Variants in CACNA1E observed in about 807,000 individuals in gnomAD.
CACNA1E encodes the protein voltage-dependent R-type calcium channel subunit alpha-1E.
In CACNA1E, 40 loss-of-function variants were observed where a neutral mutation model predicts 259.2. The observed-to-expected ratio is 0.15, with a 90% confidence interval of 0.12 to 0.20. The LOEUF (loss-of-function observed/expected upper bound fraction) is 0.20, where lower values mean the gene tolerates loss of function less well. CACNA1E is among the 10% of genes least tolerant of loss of function. The pLI, the probability that CACNA1E is intolerant of heterozygous loss-of-function variation, is 1.00. For missense variants in CACNA1E, 1,874 were observed against 3,040.1 expected, an observed-to-expected ratio of 0.62 and a Z score of 9.02; for synonymous variants, 1,104 against 1,138.5, an observed-to-expected ratio of 0.97 and a Z score of 0.61.
At chr1:181,452,864 G>A (rs780714363) in intron 2 of CACNA1E, among the ~76,000 whole-genome samples, 4 of 152,094 alleles carry the variant, frequency 2.6e-5, no homozygotes, top group African/African-American at 7.2e-5. Context: ...AATCTGTTTC[G>A]TTTCTGCCCC....
Position 181,755,416 on chromosome 1 carries a change from T to C in CACNA1E, c.3989+19T>C. The stretch of plus-strand genomic sequence containing the variant: ...AGTGCATGTAAGTGCCACCAGCGCA[T>C]TCCACTTGATTTTGCTGAAGCATGT... On this transcript the variant is annotated intron_variant, in intron 28 of 47. Transcript: ENST00000367573. 6.2e-7 allele frequency: 1 copy of C among 1,608,286 alleles called. No individual in the cohort carries two copies. Among genetic ancestry groups the C allele is most frequent in the East Asian group, 2.2e-5 (1 of 44,812 alleles).
At chr1:181,779,080 C>T (rs1438253853) in intron 38 of CACNA1E, among the ~76,000 whole-genome samples, 1 of 152,226 alleles carries the variant, frequency 6.6e-6, no homozygotes, top group Non-Finnish European at 1.5e-5. Flanking sequence ...CTGCTCTGGA[C>T]AGCGGTCTGA....
At chr1:181,632,866 A>G (rs199913) in intron 6 of CACNA1E, among the ~76,000 whole-genome samples, 111,632 of 152,128 alleles carry the variant, frequency 0.73, 42,963 homozygotes, top group East Asian at 0.95. Context: ...GACACAATCC[A>G]TGTATTCAAA....
intron 2 of CACNA1E, among the ~76,000 whole-genome samples, chr1:181,434,118 A>G (rs1659914415): frequency 6.6e-6 from 1 of 152,214 alleles, no homozygotes; most frequent in African/African-American, 2.4e-5. Flanking sequence ...TACTTGGCTC[A>G]GACTGGCTTT....
chr1:181,442,124 G>A (rs1247077402), intron 2 of CACNA1E, among the ~76,000 whole-genome samples: 1 of 151,862 alleles, frequency 6.6e-6, no homozygotes, highest in Non-Finnish European at 1.5e-5. Flanking sequence ...GGCATGGGGA[G>A]AGGAGGATTG....
chr1:181,725,994 G>T (rs1169050744), intron 17 of CACNA1E, 71 bp from the exon 18 acceptor site: 15 of 1,029,178 alleles, frequency 1.5e-5, no homozygotes, highest in Non-Finnish European at 2.2e-5. Context: ...CTCCTCCTTA[G>T]GAGAGCAGCC....
chr1:181,481,897 A>T (rs1663282168), upstream of CACNA1E, among the ~76,000 whole-genome samples: 1 of 151,916 alleles, frequency 6.6e-6, no homozygotes, highest in Non-Finnish European at 1.5e-5. Context: ...TTGGGAGTAA[A>T]GGATGGGGGG....
intron 1 of CACNA1E, among the ~76,000 whole-genome samples, chr1:181,327,598 C>G (rs1192796614): frequency 6.6e-6 from 1 of 152,178 alleles, no homozygotes; most frequent in African/African-American, 2.4e-5. Context: ...ACCCACAGCT[C>G]CTCAATATAT....
At chr1:181,722,609 A>G (rs1288637166) in intron 16 of CACNA1E, among the ~76,000 whole-genome samples, 6 of 152,234 alleles carry the variant, frequency 3.9e-5, no homozygotes, top group Admixed American at 3.9e-4. Context: ...GAGAATAATA[A>G]TATTTATCTC....
chr1:181,503,639 G>A lies in CACNA1E; in HGVS notation c.267-6838G>A, dbSNP rs181307944. Among the ~76,000 whole-genome samples, 588 of 152,352 alleles carry A rather than the reference G, an allele frequency of 3.9e-3. 4 individuals carry two copies. Among genetic ancestry groups the A allele is most frequent in the Middle Eastern group, 6.8e-3 (2 of 294 alleles). On this transcript the variant is annotated intron_variant, in intron 1 of 47. Transcript: ENST00000367573. ...ACAGATGCTTTCCCCAAAGTATTGA[G>A]CCACAGTAGATGCTGAAAGATTGAG...
At chr1:181,426,334 C>T (rs1281263289) in intron 2 of CACNA1E, among the ~76,000 whole-genome samples, 1 of 151,948 alleles carries the variant, frequency 6.6e-6, no homozygotes, top group Non-Finnish European at 1.5e-5. Flanking sequence ...AACTCCTCCT[C>T]ATCTGAACCC....
intron 3 of CACNA1E, among the ~76,000 whole-genome samples, chr1:181,577,260 G>GCAAGCAT (rs1315923027): frequency 7.9e-5 from 12 of 152,208 alleles, no homozygotes; most frequent in African/African-American, 2.7e-4. Flanking sequence ...TTCTCCAGTT[G>GCAAGCAT]CAAGCATCAG....
intron 6 of CACNA1E, among the ~76,000 whole-genome samples, chr1:181,585,670 G>A (rs1276737386): frequency 6.6e-6 from 1 of 152,196 alleles, no homozygotes; most frequent in Admixed American, 6.5e-5. Context: ...GACTTGAAGT[G>A]GGTGGGTGAG....
chr1:181,501,955 T>A (rs1470549791), intron 1 of CACNA1E, among the ~76,000 whole-genome samples: 1 of 152,196 alleles, frequency 6.6e-6, no homozygotes, highest in Non-Finnish European at 1.5e-5. Context: ...TCTTTTTTTT[T>A]AAGATGAGGT....
At chr1:181,579,367 T>G (rs1651292690) in intron 5 of CACNA1E, 143 bp downstream of exon 5, 1 of 662,544 alleles carries the variant, frequency 1.5e-6, no homozygotes, top group Non-Finnish European at 2.5e-6. Flanking sequence ...GTCAGCAGCC[T>G]TTTGAGGCAC....
intron 7 of CACNA1E, among the ~76,000 whole-genome samples, chr1:181,674,600 C>T (rs1190461826): frequency 2.6e-5 from 4 of 152,110 alleles, no homozygotes; most frequent in Non-Finnish European, 5.9e-5. Context: ...CTGAATGTTC[C>T]ATGCCCCCTC....
At chr1:181,641,714 T>TTTTTG (rs1657782258) in intron 6 of CACNA1E, among the ~76,000 whole-genome samples, 1 of 73,716 alleles carries the variant, frequency 1.4e-5, no homozygotes, top group Non-Finnish European at 3.4e-5. Flanking sequence ...TTTTTTTTTT[T>TTTTTG]TTTTTTTTTT....
chr1:181,626,490 G>A (rs1656215201), intron 6 of CACNA1E, among the ~76,000 whole-genome samples: 1 of 152,006 alleles, frequency 6.6e-6, no homozygotes, highest in African/African-American at 2.4e-5. Context: ...CCTCTCTCAG[G>A]GCCTTTCACC....
At chr1:181,372,680 C>G (rs1654784263) in intron 1 of CACNA1E, among the ~76,000 whole-genome samples, 1 of 151,984 alleles carries the variant, frequency 6.6e-6, no homozygotes, top group African/African-American at 2.4e-5. Flanking sequence ...TGTTCCAATT[C>G]TCATGGGGAA....
Sources: gnomAD v4.1 joint callset for allele counts (sites outside exome capture counted in the v4.1 genomes callset) on GRCh38, gnomAD v4.1.1 for gene constraint, MANE v1.5 for transcripts, NCBI Gene and HGNC (gene_info 2026-07-23, HGNC 2026-07-21) for gene names.